ARHGAP21: variants seen among roughly 807,000 people sequenced by gnomAD.
ARHGAP21 encodes the protein Rho GTPase activating protein 21, also known as rho GTPase-activating protein 21.
ARHGAP21 carries 38 observed loss-of-function variants against 164.6 expected under a neutral mutation model. The ratio of observed to expected loss-of-function variants is 0.23; its 90% CI spans 0.18 to 0.30. The LOEUF (loss-of-function observed/expected upper bound fraction) is 0.30. Ranked by LOEUF, ARHGAP21 falls within the 10% of genes least tolerant of loss-of-function variation. The pLI is 1.00. For synonymous variants in ARHGAP21, 766 were observed against 857.9 expected (o/e 0.89, Z 1.87); for missense variants, 1,822 against 2,370.7 (o/e 0.77, Z 4.81).
intron 2 of ARHGAP21, among the ~76,000 whole-genome samples, chr10:24,687,360 T>C (rs1247275398): frequency 6.6e-6 from 1 of 152,138 alleles, no homozygotes; most frequent in Non-Finnish European, 1.5e-5. Context: ...CAAAAATGAA[T>C]GAAATTTATA....
chr10:24,682,940 C>CA (rs1841908223), intron 2 of ARHGAP21, among the ~76,000 whole-genome samples: 1 of 151,632 alleles, frequency 6.6e-6, no homozygotes, highest in Non-Finnish European at 1.5e-5. Context: ...ACTAAAAATA[C>CA]AAAAAATTAG....
At chr10:24,669,774 G>GT (rs746291835) in intron 3 of ARHGAP21, among the ~76,000 whole-genome samples, 3 of 152,148 alleles carry the variant, frequency 2.0e-5, no homozygotes, top group Admixed American at 6.5e-5. Flanking sequence ...GAGAAGCTGT[G>GT]TTTTTCAATT....
At chr10:24,624,616 A>C (rs765321806) in intron 7 of ARHGAP21, among the ~76,000 whole-genome samples, 1 of 152,068 alleles carries the variant, frequency 6.6e-6, no homozygotes, top group Non-Finnish European at 1.5e-5. Context: ...CCAGGATTAC[A>C]GGTGTGAACC....
intron 4 of ARHGAP21, among the ~76,000 whole-genome samples, chr10:24,641,805 C>A (rs1449864175): frequency 6.6e-6 from 1 of 151,904 alleles, no homozygotes; most frequent in Non-Finnish European, 1.5e-5. Context: ...ACCAGCCTGG[C>A]TAAGATGGTG....
At chr10:24,656,615 G>A (rs1473357973) in intron 4 of ARHGAP21, among the ~76,000 whole-genome samples, 5 of 100,114 alleles carry the variant, frequency 5.0e-5, no homozygotes, top group Non-Finnish European at 2.1e-5. Flanking sequence ...GGGAGGTGAG[G>A]GGCGCCTCTG....
intron 4 of ARHGAP21, among the ~76,000 whole-genome samples, chr10:24,644,057 C>T (rs1276696351): frequency 6.6e-6 from 1 of 152,070 alleles, no homozygotes; most frequent in East Asian, 1.9e-4. Context: ...GATTTCCTCA[C>T]ACTAGTTCAA....
chr10:24,709,162 A>G (rs1055389900), intron 2 of ARHGAP21, among the ~76,000 whole-genome samples: 4 of 152,220 alleles, frequency 2.6e-5, no homozygotes, highest in African/African-American at 9.7e-5. Flanking sequence ...AACCTAGAGG[A>G]AATGGATAAA....
chr10:24,622,831 T>C (rs1047716750), intron 7 of ARHGAP21, 69 bp from the exon 8 acceptor site: 57 of 1,509,848 alleles, frequency 3.8e-5, no homozygotes, highest in Non-Finnish European at 5.2e-5. Flanking sequence ...GTTGTCATAT[T>C]GATGCTGGAA....
chr10:24,666,093 G>A lies in ARHGAP21; in HGVS notation c.268+892C>T, dbSNP rs558542698. On this transcript the variant is annotated intron_variant, in intron 4 of 25. Transcript: ENST00000396432. ...CCCCCAGGCTGGAGTGCAGTGGAGC[G>A]ATCTCGGCTCACTGCAAGCTCTGCC... Among the ~76,000 whole-genome samples, 5 of 152,022 alleles carry A rather than the reference G, an allele frequency of 3.3e-5. No homozygotes were observed. In the East Asian group the frequency reaches 5.8e-4, roughly 18 times the overall value.
chr10:24,625,299 G>GCAAAAAAAAAAAAAAAAAAAAAA (rs768183583), intron 7 of ARHGAP21, among the ~76,000 whole-genome samples: 1 of 53,796 alleles, frequency 1.9e-5, no homozygotes, highest in African/African-American at 7.5e-5. Context: ...ATGAAACAGA[G>GCAAAAAAAAAAAAAAAAAAAAAA]AAAAAAAAAA....
At chr10:24,663,648 C>A (rs911758151) in intron 4 of ARHGAP21, among the ~76,000 whole-genome samples, 1 of 152,212 alleles carries the variant, frequency 6.6e-6, no homozygotes, top group Non-Finnish European at 1.5e-5. Flanking sequence ...CCTGCTTCAG[C>A]CTCCTGAGTA....
intron 15 of ARHGAP21, 50 bp downstream of exon 15, chr10:24,597,895 C>A: frequency 1.9e-6 from 3 of 1,551,330 alleles, no homozygotes; most frequent in Non-Finnish European, 2.7e-6. Context: ...AGGGGGATGA[C>A]TGTACTGATT....
Position 24,596,799 on chromosome 10 carries a change from T to C in ARHGAP21, c.3418A>G (p.Thr1140Ala). 6.2e-7 allele frequency: 1 copy of C among 1,613,248 alleles called. No individual in the cohort carries two copies. Among genetic ancestry groups the C allele is most frequent in the Non-Finnish European group, 8.5e-7 (1 of 1,179,806 alleles). The change falls in exon 17 of 26, where the codon ACT becomes GCT. Residue 1140 changes from threonine to alanine, a missense_variant. By Grantham distance (58) the Thr-to-Ala change is moderately conservative. Around this residue, in one of 5 missense-constraint regions of ARHGAP21, gnomAD observed 1,090 missense variants for 1,378.9 expected, o/e 0.79. Coordinates refer to ENST00000396432, the MANE Select transcript of ARHGAP21 (RefSeq NM_020824.4). ...CGGACGCCGAAAGTTCCTGTAGCAG[T>C]TGGCTTTTTCTCAAATGTCTTTCTC... ...IMRKTFEKKP[T>A]ATGTFGVRLD...
chr10:24,596,443 G>A (rs2076584090), intron 17 of ARHGAP21: 1 of 523,020 alleles, frequency 1.9e-6, no homozygotes, highest in Non-Finnish European at 3.3e-6. Context: ...TTCTTAATCA[G>A]GTCCTTGTTC....
At chr10:24,605,149 C>G (rs1407155199) in intron 11 of ARHGAP21, among the ~76,000 whole-genome samples, 1 of 152,046 alleles carries the variant, frequency 6.6e-6, no homozygotes, top group Non-Finnish European at 1.5e-5. Context: ...CTATACCATA[C>G]AAAGAAGGGT....
chr10:24,696,266 GCA>G (rs1231626182), intron 2 of ARHGAP21, among the ~76,000 whole-genome samples: 1 of 152,208 alleles, frequency 6.6e-6, no homozygotes, highest in East Asian at 1.9e-4. Flanking sequence ...CAAGTTCACA[GCA>G]CAGAGTCCTG....
Position 24,607,768 on chromosome 10 carries a change from C to T in ARHGAP21, c.2558G>A (p.Arg853His), listed in dbSNP as rs202179095. 2.0e-4 allele frequency: 318 copies of T among 1,613,592 alleles called. 1 individual carries two copies. Among genetic ancestry groups the T allele is most frequent in the Non-Finnish European group, 2.5e-4 (292 of 1,179,930 alleles). ...PCLTTSAPLIRRQLSHDHESV... is the reference protein window; with the variant it reads ...PCLTTSAPLIHRQLSHDHESV... ...ACCGTGGTCATGTGAGAGCTGACGG[C>T]GAATTAATGGAGCTGAAGTTGTGAG... Residue 853 changes from arginine (R) to histidine (H), a missense_variant, in exon 10 of 26, where the codon CGC becomes CAC. Arg to His is a conservative substitution (Grantham distance 29). This residue lies in a region of ARHGAP21 where 1,090 missense variants were observed against 1,378.9 expected (regional missense o/e 0.79). Transcript: ENST00000396432.
At position 24,653,287 on chromosome 10, in the gene ARHGAP21, G is replaced by A. The variant is rs550344115; in HGVS notation, c.268+13698C>T. Among the ~76,000 whole-genome samples the A allele has an allele frequency of 4.6e-5, 7 of 152,206 alleles. No individual in the cohort carries two copies. In the South Asian group the frequency reaches 1.0e-3, roughly 23 times the overall value. On this transcript the variant is annotated intron_variant, in intron 4 of 25. Coordinates refer to ENST00000396432, the MANE Select transcript of ARHGAP21 (RefSeq NM_020824.4). ...TTGTTTTGTTTTGTTTAAGAGACAA[G>A]GTCTTGGCCAGGCGCAGTGGCTCAC...
chr10:24,656,594 C>G (rs1200663547), intron 4 of ARHGAP21, among the ~76,000 whole-genome samples: 5 of 94,842 alleles, frequency 5.3e-5, no homozygotes, highest in African/African-American at 2.3e-4. Flanking sequence ...GCCCAGCCAG[C>G]CGCCCCGTCT....
Sources: gnomAD v4.1 joint callset for allele counts (sites outside exome capture counted in the v4.1 genomes callset) on GRCh38, gnomAD v4.1.1 for gene constraint, gnomAD v4.1.1 regional missense constraint, MANE v1.5 for transcripts, NCBI Gene and HGNC (gene_info 2026-07-23, HGNC 2026-07-21) for gene names.